Variants in XIST observed in about 807,000 individuals in gnomAD.
XIST encodes the protein X inactive specific transcript (non-protein coding).
exon 1 of XIST, chrX:73,843,796 A>C: frequency 3.6e-6 from 2 of 559,076 alleles, no homozygotes; most frequent in Non-Finnish European, 6.5e-6. Context: ...TGCACAGATC[A>C]GGAGCAAATG....
rs757824528 is a variant in XIST at position 73,851,604 on chromosome X, T to G, written n.1120A>C. On this transcript the variant is annotated non_coding_transcript_exon_variant, in exon 1 of 6. Coordinates refer to ENST00000429829, the Ensembl canonical transcript of XIST. ...TCTTTCCTAACCTTCCATTTTTAACTAGTCCCTTGTACTGATAAAAGATGA... is the reference window on the plus strand; with the variant it reads ...TCTTTCCTAACCTTCCATTTTTAACGAGTCCCTTGTACTGATAAAAGATGA... 4 of 558,974 alleles carry G rather than the reference T, an allele frequency of 7.2e-6. No individual in the cohort carries two copies. In the Admixed American group the frequency reaches 8.9e-5, roughly 12 times the overall value. The allele number at this position is 558,974 out of a possible 1,213,427, so 46.1% of individuals were successfully genotyped here.
At chrX:73,848,638 A>T (rs1478772643) in exon 1 of XIST, 1 of 556,659 alleles carries the variant, frequency 1.8e-6, no homozygotes, top group African/African-American at 2.2e-5. Flanking sequence ...ACTGTTCAAG[A>T]GCTGTTATTG....
intron 4 of XIST, chrX:73,830,960 GAAT>G (rs1922368039): frequency 2.2e-6 from 1 of 464,170 alleles, no homozygotes; most frequent in Admixed American, 3.0e-5. Flanking sequence ...ATCATATGCA[GAAT>G]AATGATGAAT....
At chrX:73,837,318 T>C in intron 2 of XIST, 1 of 384,509 alleles carries the variant, frequency 2.6e-6, no homozygotes, top group Non-Finnish European at 4.5e-6. Flanking sequence ...ATAAACCCAA[T>C]CTAGTCATGA....
chrX:73,821,416 G>A (rs2147693703), exon 6 of XIST: 3 of 556,885 alleles, frequency 5.4e-6, no homozygotes, highest in East Asian at 3.3e-5. Context: ...TGACAAGAAG[G>A]GTCACACTGA....
exon 1 of XIST, chrX:73,846,987 C>A: frequency 1.8e-6 from 1 of 559,188 alleles, no homozygotes; most frequent in South Asian, 2.2e-5. Context: ...TTAGCACTCT[C>A]TGCTTTGATA....
chrX:73,851,467 G>A, exon 1 of XIST: 1 of 558,940 alleles, frequency 1.8e-6, no homozygotes, highest in Non-Finnish European at 3.2e-6. Context: ...CCCGCCACTT[G>A]AACACTGCGA....
intron 2 of XIST, among the ~76,000 whole-genome samples, chrX:73,836,774 A>C (rs1352445513): frequency 9.0e-6 from 1 of 111,217 alleles, no homozygotes; most frequent in East Asian, 2.8e-4. Flanking sequence ...AGGTCCAGGC[A>C]GGAGATATGC....
At chrX:73,849,610 AC>A (rs747314836) in exon 1 of XIST, 6 of 556,140 alleles carry the variant, frequency 1.1e-5, no homozygotes, top group Non-Finnish European at 1.9e-5. Flanking sequence ...ACTTCAACGT[AC>A]CGAGTAAGGA....
At chrX:73,832,884 C>T (rs1238511111) in intron 3 of XIST, among the ~76,000 whole-genome samples, 1 of 110,641 alleles carries the variant, frequency 9.0e-6, no homozygotes, top group Non-Finnish European at 1.9e-5. Flanking sequence ...TCACGTTCTG[C>T]TTTTCTTTCT....
chrX:73,831,491 C>T lies in XIST; in HGVS notation n.11544-217G>A, dbSNP rs1056898615. On this transcript the variant is annotated intron_variant and non_coding_transcript_variant, in intron 3 of 5. Coordinates refer to ENST00000429829, the Ensembl canonical transcript of XIST. ...ATTCATTCCAGCTCTATTCTGTATG[C>T]TTTCCCTCATTTCCAAGAGAAATTT... 32 of 296,480 alleles carry T rather than the reference C, an allele frequency of 1.1e-4. No individual in the cohort carries two copies. In the East Asian group the frequency reaches 1.6e-3, roughly 14 times the overall value. The allele number at this position is 296,480 out of a possible 1,213,427, so 24.4% of individuals were successfully genotyped here. A position where few individuals can be genotyped will look rare whatever the true frequency, so the allele number is the denominator to read the frequency against.
chrX:73,842,591 G>A, exon 1 of XIST: 1 of 558,562 alleles, frequency 1.8e-6, no homozygotes, highest in Non-Finnish European at 3.2e-6. Flanking sequence ...GGGAGATCTT[G>A]GACTGATGGG....
At chrX:73,824,659 C>T in exon 6 of XIST, 1 of 556,737 alleles carries the variant, frequency 1.8e-6, no homozygotes. Context: ...CAGAAAGCAT[C>T]AAATTTTTCA....
chrX:73,850,373 A>G (rs766831354), exon 1 of XIST: 168 of 533,248 alleles, frequency 3.2e-4, no homozygotes, highest in Non-Finnish European at 5.0e-4. Flanking sequence ...ATTAAAGTGA[A>G]TTCTACAAAT....
exon 6 of XIST, chrX:73,824,424 A>G (rs1453236528): frequency 5.4e-6 from 3 of 554,261 alleles, no homozygotes; most frequent in Non-Finnish European, 9.8e-6. Context: ...ACAAAATGCT[A>G]ACATAGGTAT....
exon 6 of XIST, chrX:73,827,589 G>A (rs781675944): frequency 5.5e-6 from 3 of 545,014 alleles, no homozygotes; most frequent in African/African-American, 4.5e-5. Flanking sequence ...AAGGAGGCCA[G>A]ACTCAGAAAA....
At chrX:73,828,285 C>T in intron 5 of XIST, 1 of 238,746 alleles carries the variant, frequency 4.2e-6, no homozygotes, top group Non-Finnish European at 7.4e-6. Context: ...TGCTAGTGGT[C>T]ACTTATATTG....
Position 73,845,773 on chromosome X carries a change from T to C in XIST, n.6951A>G, listed in dbSNP as rs541058366. 227 of 331,750 alleles carry C rather than the reference T, an allele frequency of 6.8e-4. 1 individual carries two copies. Among genetic ancestry groups the C allele is most frequent in the South Asian group, 5.4e-3 (218 of 40,112 alleles). 27.3% of individuals were successfully genotyped at this position (331,750 alleles called of 1,213,427 possible). A position where few individuals can be genotyped will look rare whatever the true frequency, so the allele number is the denominator to read the frequency against. On this transcript the variant is annotated non_coding_transcript_exon_variant, in exon 1 of 6. Transcript: ENST00000429829. ...TGATTGTCCAAATGTAATGATCTTATGGAGGGGGCACTCCCTGCTGGAAGG... is the reference window on the plus strand; with the variant it reads ...TGATTGTCCAAATGTAATGATCTTACGGAGGGGGCACTCCCTGCTGGAAGG...
chrX:73,850,719 G>A (rs1368635660), exon 1 of XIST: 2 of 246,015 alleles, frequency 8.1e-6, no homozygotes, highest in Non-Finnish European at 7.5e-6. Flanking sequence ...GGGGTGGGGA[G>A]GTGGGGGGTG....
Sources: gnomAD v4.1 joint callset for allele counts (sites outside exome capture counted in the v4.1 genomes callset) on GRCh38, gnomAD v4.1.1 for gene constraint, MANE v1.5 for transcripts, NCBI Gene and HGNC (gene_info 2026-07-23, HGNC 2026-07-21) for gene names.